Variants in DLC1 observed in about 807,000 individuals in gnomAD.
DLC1 encodes rho GTPase-activating protein 7.
A neutral mutation model predicts 140.3 loss-of-function variants in DLC1; 54 were observed. That is an observed-to-expected ratio of 0.38 (90% CI 0.31 to 0.48). The LOEUF is 0.48. Ranked by LOEUF, DLC1 falls within the 20% of genes least tolerant of loss-of-function variation. DLC1 has a pLI of 0.96. For synonymous variants in DLC1, 986 were observed against 728.1 expected, an observed-to-expected ratio of 1.35 and a Z score of -5.70; for missense variants, 2,536 against 1,907.0, an observed-to-expected ratio of 1.33 and a Z score of -6.14.
At chr8:13,562,488 TAAG>T (rs745745151) in intron 1 of DLC1, among the ~76,000 whole-genome samples, 14 of 152,202 alleles carry the variant, frequency 9.2e-5, no homozygotes, top group East Asian at 1.9e-4. Context: ...TTACTGCTAA[TAAG>T]AAGAATTCAA....
intron 1 of DLC1, among the ~76,000 whole-genome samples, chr8:13,527,972 AGT>A (rs1758956798): frequency 6.6e-6 from 1 of 152,154 alleles, no homozygotes; most frequent in Non-Finnish European, 1.5e-5. Flanking sequence ...AGTATTAAGT[AGT>A]TATTAGCCAC....
At chr8:13,094,164 C>T (rs1818311639) in intron 12 of DLC1, among the ~76,000 whole-genome samples, 1 of 152,162 alleles carries the variant, frequency 6.6e-6, no homozygotes, top group East Asian at 1.9e-4. Flanking sequence ...CTGACCAGCT[C>T]AGATAACACT....
intron 4 of DLC1, among the ~76,000 whole-genome samples, chr8:13,355,787 C>CA (rs1304037575): frequency 1.3e-5 from 2 of 151,834 alleles, no homozygotes; most frequent in Non-Finnish European, 2.9e-5. Flanking sequence ...GATTCATTTT[C>CA]AAAAATCTTA....
chr8:13,133,243 T>C lies in DLC1; in HGVS notation c.1349-17586A>G, dbSNP rs1370806705. The C allele has an allele frequency of 4.3e-6, 6 of 1,382,554 alleles. No homozygotes were observed. The African/African-American group carries it at 9.1e-5, about 21-fold the overall frequency. 85.6% of individuals were successfully genotyped at this position (1,382,554 alleles called of 1,614,324 possible). ...CCTGATGCGGAGAGGTGCGGCCATG[T>C]CCTGGCTGGGAGCGAAGCGCCCTCG... On this transcript the variant is annotated intron_variant, in intron 5 of 17. Coordinates refer to ENST00000276297, the MANE Select transcript of DLC1 (RefSeq NM_182643.3).
chr8:13,530,731 T>TAA (rs1803068879), intron 1 of DLC1, among the ~76,000 whole-genome samples: 1 of 152,200 alleles, frequency 6.6e-6, no homozygotes, highest in Non-Finnish European at 1.5e-5. Flanking sequence ...CATATTTTAA[T>TAA]AAGCAAAGGA....
At chr8:13,116,293 C>T (rs1820554336) in intron 5 of DLC1, 2 of 926,028 alleles carry the variant, frequency 2.2e-6, no homozygotes, top group African/African-American at 3.6e-5. Flanking sequence ...GCTTCTACCT[C>T]CCTGTGGTTT....
rs761694859 is a variant in DLC1, at chr8:13,499,214, A to G, written c.858T>C (p.Asn286=). 3.7e-6 allele frequency: 6 copies of G among 1,614,120 alleles called. No individual in the cohort carries two copies. The highest frequency in any genetic ancestry group is 3.3e-5 in the Admixed American group (2 of 60,026). The stretch of plus-strand genomic sequence containing the variant: ...CCAGGCCATTTTCAGCTGACATTCC[A>G]TTGGGGCAGGAAGGAGGCTGCAGAA... The part of the protein sequence containing the change: ...SCLLQPPSCP[N]GMSAENGLEK... The change falls in exon 2 of 18, where the codon AAT becomes AAC. Residue 286 remains asparagine (N), a synonymous_variant. Transcript: ENST00000276297.
intron 4 of DLC1, among the ~76,000 whole-genome samples, chr8:13,327,742 A>G (rs1217727624): frequency 6.6e-6 from 1 of 152,242 alleles, no homozygotes; most frequent in African/African-American, 2.4e-5. Context: ...GCAGTGAACA[A>G]AGGTAGACAT....
At chr8:13,451,669 C>T (rs764242976) in intron 2 of DLC1, among the ~76,000 whole-genome samples, 31 of 152,122 alleles carry the variant, frequency 2.0e-4, no homozygotes, top group Non-Finnish European at 3.5e-4. Flanking sequence ...GCCTCCAGTT[C>T]CATCCATGTT....
intron 2 of DLC1, among the ~76,000 whole-genome samples, chr8:13,413,255 G>GTTTTTTTTTTT (rs1461897724): frequency 6.6e-5 from 2 of 30,140 alleles, no homozygotes; most frequent in Non-Finnish European, 8.7e-5. Flanking sequence ...ATTTTTTTGC[G>GTTTTTTTTTTT]ATTTTTTTTT....
intron 4 of DLC1, 89 bp downstream of exon 4, chr8:13,393,464 A>AT: frequency 7.3e-7 from 1 of 1,368,602 alleles, no homozygotes; most frequent in East Asian, 2.3e-5. Flanking sequence ...TTCCAACAGT[A>AT]TTTCTTCTAT....
intron 1 of DLC1, among the ~76,000 whole-genome samples, chr8:13,604,207 T>C (rs1200095059): frequency 6.6e-6 from 1 of 152,170 alleles, no homozygotes; most frequent in Non-Finnish European, 1.5e-5. Context: ...TTGAACTATG[T>C]AGCAGAAATC....
At chr8:13,167,456 T>C (rs1217968797) in intron 5 of DLC1, among the ~76,000 whole-genome samples, 1 of 152,148 alleles carries the variant, frequency 6.6e-6, no homozygotes, top group Non-Finnish European at 1.5e-5. Context: ...CTCATTTCCC[T>C]GGGGATTATG....
At chr8:13,467,272 C>T (rs906115949) in intron 2 of DLC1, among the ~76,000 whole-genome samples, 1 of 152,072 alleles carries the variant, frequency 6.6e-6, no homozygotes, top group Non-Finnish European at 1.5e-5. Context: ...GATTTTTCAC[C>T]TGCCCCGTTG....
intron 4 of DLC1, among the ~76,000 whole-genome samples, chr8:13,361,241 A>G (rs1340616935): frequency 6.6e-6 from 1 of 152,066 alleles, no homozygotes; most frequent in Non-Finnish European, 1.5e-5. Context: ...CAGAAAAACA[A>G]TACAAAACAA....
chr8:13,182,720 G>C (rs1475501206), intron 5 of DLC1, among the ~76,000 whole-genome samples: 2 of 152,258 alleles, frequency 1.3e-5, no homozygotes, highest in South Asian at 2.1e-4. Flanking sequence ...TTTGGTTACT[G>C]TAGCCTTGTA....
intron 2 of DLC1, among the ~76,000 whole-genome samples, chr8:13,421,601 A>G (rs1323456742): frequency 6.6e-6 from 1 of 152,156 alleles, no homozygotes; most frequent in Non-Finnish European, 1.5e-5. Flanking sequence ...AGACTGGTTC[A>G]TTGTTTGTGT....
intron 5 of DLC1, among the ~76,000 whole-genome samples, chr8:13,289,375 A>G (rs928700947): frequency 1.3e-5 from 2 of 151,838 alleles, no homozygotes; most frequent in African/African-American, 4.8e-5. Context: ...TTTTTTTCAT[A>G]GAGTTGGAGT....
intron 5 of DLC1, among the ~76,000 whole-genome samples, chr8:13,249,204 G>A (rs1323231390): frequency 6.6e-6 from 1 of 152,146 alleles, no homozygotes; most frequent in Non-Finnish European, 1.5e-5. Context: ...AGCCTCCTGA[G>A]TAGCTGGGAT....
Sources: allele counts gnomAD v4.1 joint callset (sites outside exome capture counted in the v4.1 genomes callset), GRCh38; gene constraint gnomAD v4.1.1; transcripts MANE v1.5; gene names NCBI Gene and HGNC (gene_info 2026-07-23, HGNC 2026-07-21).